The following IGDCC4 variants were observed in gnomAD, a reference collection of about 807,000 sequenced individuals.
IGDCC4 encodes likely ortholog of mouse neighbor of Punc E11.
A neutral mutation model predicts 116.6 loss-of-function variants in IGDCC4; 72 were observed. The ratio of observed to expected loss-of-function variants is 0.62; its 90% CI spans 0.51 to 0.75. The LOEUF is 0.75. IGDCC4 is among the 30% of genes least tolerant of loss of function. IGDCC4 has a pLI of 0.00. For synonymous variants in IGDCC4, 709 were observed against 719.9 expected, an observed-to-expected ratio of 0.98 and a Z score of 0.24; for missense variants, 1,501 against 1,662.4, an observed-to-expected ratio of 0.90 and a Z score of 1.69.
intron 4 of IGDCC4, among the ~76,000 whole-genome samples, chr15:65,401,202 C>G (rs748387602): frequency 1.2e-4 from 18 of 152,238 alleles, no homozygotes; most frequent in Non-Finnish European, 1.9e-4. Context: ...ACACCTACCT[C>G]CATTCTTCCC....
At position 65,388,559 on chromosome 15, in the gene IGDCC4, C is replaced by T. The variant is rs1443635844; in HGVS notation, c.2735G>A (p.Gly912Asp). 4 of 1,614,000 alleles carry T rather than the reference C, an allele frequency of 2.5e-6. No homozygotes were observed. In the Admixed American group the frequency reaches 5.0e-5, roughly 20 times the overall value. Reference sequence around the variant, plus strand: ...GAAGTACCGAGTGTCGCTCTCCAGGCCATGGACCTCAGCACTGAAGATGTT... The same window carrying T: ...GAAGTACCGAGTGTCGCTCTCCAGGTCATGGACCTCAGCACTGAAGATGTT... ...QGNIFSAEVH[G>D]LESDTRYFFK... The change falls in exon 16 of 20, where the codon GGC becomes GAC. Residue 912 changes from glycine (G) to aspartate (D), a missense_variant. By Grantham distance (94) the Gly-to-Asp change is moderately conservative. Transcript: ENST00000352385.
chr15:65,391,493 C>A (rs952239667), intron 12 of IGDCC4, among the ~76,000 whole-genome samples: 1 of 152,186 alleles, frequency 6.6e-6, no homozygotes, highest in African/African-American at 2.4e-5. Flanking sequence ...CACAGGGATA[C>A]TCACTCTTCT....
In IGDCC4 at chr15:65,416,136, C is replaced by CTTTT. The variant is rs60072640; in HGVS notation, c.71-4770_71-4767dup. Among the ~76,000 whole-genome samples the CTTTT allele has an allele frequency of 5.6e-3, 431 of 77,602 alleles. 12 individuals carry two copies. Among genetic ancestry groups the CTTTT allele is most frequent in the Middle Eastern group, 0.019 (1 of 52 alleles). 50.9% of individuals were successfully genotyped at this position (77,602 alleles called of 152,430 possible). Reference sequence around the variant, plus strand: ...TCGCTGACTGCCTAAAATGTTTTGACTTTTTTTTTTTTTTTTTTTTTTTTT... The same window carrying CTTTT: ...TCGCTGACTGCCTAAAATGTTTTGACTTTTTTTTTTTTTTTTTTTTTTTTTTTTT... On this transcript the variant is annotated intron_variant, in intron 1 of 19. Transcript: ENST00000352385.
At chr15:65,401,097 G>T (rs2062981322) in intron 4 of IGDCC4, 151 bp from the exon 5 acceptor site, 1 of 982,216 alleles carries the variant, frequency 1.0e-6, no homozygotes, top group South Asian at 1.5e-5. Flanking sequence ...ATAAAATTCA[G>T]CAGGGCTGGG....
Position 65,395,084 on chromosome 15 carries a change from G to A in IGDCC4, c.1576+10C>T. 2 of 1,593,182 alleles carry A rather than the reference G, an allele frequency of 1.3e-6. No individual in the cohort carries two copies. Among genetic ancestry groups the A allele is most frequent in the Admixed American group, 3.4e-5 (2 of 59,338 alleles). Reference sequence around the variant, plus strand: ...CCCCAAGCTGCCCACTGCGAGTTCAGAGGCCCTACCATCATCCAGTGTGTG... The same window carrying A: ...CCCCAAGCTGCCCACTGCGAGTTCAAAGGCCCTACCATCATCCAGTGTGTG... On this transcript the variant is annotated intron_variant, in intron 8 of 19. Coordinates refer to ENST00000352385, the MANE Select transcript of IGDCC4 (RefSeq NM_020962.3).
At chr15:65,391,614 C>T (rs766779918) in intron 12 of IGDCC4, among the ~76,000 whole-genome samples, 3 of 152,186 alleles carry the variant, frequency 2.0e-5, no homozygotes, top group Non-Finnish European at 2.9e-5. Flanking sequence ...TAGGGTTTCC[C>T]TCTGTTCAAA....
chr15:65,386,500 C>G lies in IGDCC4; in HGVS notation c.2951+51G>C, dbSNP rs1171727125. On this transcript the variant is annotated intron_variant, in intron 17 of 19. Transcript: ENST00000352385. ...CTTTCCCTGATGGCCCATTCTGCAG[C>G]CCTTCCTGGAAGTCTCCCTTCCCTG... is the stretch of plus-strand genomic sequence containing the variant. 2.0e-6 allele frequency: 3 copies of G among 1,476,418 alleles called. No homozygotes were observed. In the South Asian group the frequency reaches 3.6e-5, roughly 18 times the overall value. The allele number at this position is 1,476,418 out of a possible 1,614,324, so 91.5% of individuals were successfully genotyped here.
rs777801272 is a variant in IGDCC4, at chr15:65,400,998, C to T, written c.701-52G>A. On this transcript the variant is annotated intron_variant, in intron 4 of 19. Coordinates refer to ENST00000352385, the MANE Select transcript of IGDCC4 (RefSeq NM_020962.3). Reference sequence around the variant, plus strand: ...GCCTTACCATTAGGCATTTGCCATGCGATACCTCACCTGAGTCTCACAGTA... The same window carrying T: ...GCCTTACCATTAGGCATTTGCCATGTGATACCTCACCTGAGTCTCACAGTA... The T allele has an allele frequency of 9.0e-5, 145 of 1,610,480 alleles. 1 individual carries two copies. The Middle Eastern group carries it at 1.3e-3, about 15-fold the overall frequency.
chr15:65,393,286 G>A lies in IGDCC4; in HGVS notation c.1885+75C>T. On this transcript the variant is annotated intron_variant, in intron 10 of 19. Coordinates refer to ENST00000352385, the MANE Select transcript of IGDCC4 (RefSeq NM_020962.3). The surrounding 1 kb of genome is among the most constrained non-coding windows in gnomAD (Gnocchi z 4.6). ...ATGGAGGGCGGGGCCAGGGGGTGGG[G>A]CGCTGGGTCCCAAGGACACACGCAC... 1.4e-6 allele frequency: 2 copies of A among 1,448,986 alleles called. No homozygotes were observed. Among genetic ancestry groups the A allele is most frequent in the East Asian group, 5.1e-5 (2 of 39,188 alleles). The allele number at this position is 1,448,986 out of a possible 1,614,324, so 89.8% of individuals were successfully genotyped here.
Position 65,384,287 on chromosome 15 carries a change from G to A in IGDCC4, c.3475C>T (p.Leu1159=). The A allele has an allele frequency of 1.9e-6, 3 of 1,607,040 alleles. No homozygotes were observed. The highest frequency in any genetic ancestry group is 1.1e-5 in the South Asian group (1 of 90,270). The part of the protein sequence containing the change: ...HLQDLEPEDP[L]PPEAPDLISG... ...ATGAGATCAGGAGCCTCTGGAGGCA[G>A]GGGGTCCTCAGGCTCCAGGTCTTGG... The change falls in exon 20 of 20, where the codon CTG becomes TTG. Residue 1159 remains leucine (L), a synonymous_variant. Coordinates refer to ENST00000352385, the MANE Select transcript of IGDCC4 (RefSeq NM_020962.3). This position sits in a 1 kb window ranked among gnomAD's most constrained non-coding sequence, Gnocchi z 4.9.
At chr15:65,391,815 A>C (rs1595778826) in intron 12 of IGDCC4, 65 bp downstream of exon 12, 1 of 1,441,714 alleles carries the variant, frequency 6.9e-7, no homozygotes. Context: ...AAAGGAAAAG[A>C]AGAGGAAGCG....
rs986743593 is a variant in IGDCC4, at chr15:65,384,305, G to C, written c.3457C>G (p.Leu1153Val). Residue 1153 changes from leucine (L) to valine (V), a missense_variant, in exon 20 of 20, where the codon CTG becomes GTG. Physicochemically the swap from Leu to Val is conservative, Grantham distance 32. Around this residue, in one of 3 missense-constraint regions of IGDCC4, gnomAD observed 368 missense variants for 355.6 expected, o/e 1.03. Transcript: ENST00000352385. This position sits in a 1 kb window ranked among gnomAD's most constrained non-coding sequence, Gnocchi z 4.9. The stretch of plus-strand genomic sequence containing the variant: ...GGAGGCAGGGGGTCCTCAGGCTCCA[G>C]GTCTTGGAGATGGAGGTCAGGGTTC... ...NGNPDLHLQD[L>V]EPEDPLPPEA... is the part of the protein sequence containing the mutation. 1.6e-5 allele frequency: 25 copies of C among 1,607,402 alleles called. No individual in the cohort carries two copies. The highest frequency in any genetic ancestry group is 3.4e-5 in the Admixed American group (2 of 58,840).
chr15:65,414,656 G>T (rs905199571), intron 1 of IGDCC4, among the ~76,000 whole-genome samples: 1 of 152,180 alleles, frequency 6.6e-6, no homozygotes, highest in African/African-American at 2.4e-5. Flanking sequence ...TTGTTTGTTT[G>T]TTCTTGCGAC....
chr15:65,401,682 T>C (rs2062987890), intron 4 of IGDCC4, among the ~76,000 whole-genome samples: 1 of 152,000 alleles, frequency 6.6e-6, no homozygotes, highest in Admixed American at 6.6e-5. Context: ...TGAAGTGAGA[T>C]CTGTTGAGCA....
rs1056221673 is a variant in IGDCC4 at position 65,381,892 on chromosome 15, C to A, written c.*2117G>T. The A allele has an allele frequency of 4.6e-5, 7 of 152,532 alleles. No individual in the cohort carries two copies. Among genetic ancestry groups the A allele is most frequent in the Admixed American group, 3.9e-4 (6 of 15,276 alleles). 9.4% of individuals were successfully genotyped at this position (152,532 alleles called of 1,614,324 possible). On this transcript the variant is annotated 3_prime_UTR_variant, in exon 20 of 20. Coordinates refer to ENST00000352385, the MANE Select transcript of IGDCC4 (RefSeq NM_020962.3). Reference sequence around the variant, plus strand: ...TCAACTGTGAGTTATAGGCAGATACCAGATTTATTACTTATTTGCTTTTGA... The same window carrying A: ...TCAACTGTGAGTTATAGGCAGATACAAGATTTATTACTTATTTGCTTTTGA...
rs752121434 is a variant in IGDCC4 at position 65,389,315 on chromosome 15, G to A, written c.2505C>T (p.Gly835=). The A allele has an allele frequency of 1.2e-5, 19 of 1,614,110 alleles. No homozygotes were observed. In the East Asian group the frequency reaches 4.2e-4, roughly 36 times the overall value. Reference sequence around the variant, plus strand: ...GCAGGGTGGAGCGCTCCACCACAGAGCCGAAAGGCCCATCCATGTCCACGC... The same window carrying A: ...GCAGGGTGGAGCGCTCCACCACAGAACCGAAAGGCCCATCCATGTCCACGC... ...SHGVDMDGPF[G]SVVERSTLPD... The change falls in exon 14 of 20, where the codon GGC becomes GGT. Residue 835 remains glycine, a synonymous_variant. Transcript: ENST00000352385.
At chr15:65,396,778 C>A in intron 6 of IGDCC4, 56 bp downstream of exon 6, 1 of 1,537,888 alleles carries the variant, frequency 6.5e-7, no homozygotes, top group South Asian at 1.2e-5. Context: ...CCTCCCCCTG[C>A]TCTATTCACC....
chr15:65,410,035 G>A (rs1352990525), intron 3 of IGDCC4, 143 bp downstream of exon 3: 7 of 987,782 alleles, frequency 7.1e-6, no homozygotes, highest in East Asian at 2.6e-5. Context: ...GACTAGACAT[G>A]AGCCAGGAGT....
intron 3 of IGDCC4, among the ~76,000 whole-genome samples, chr15:65,406,619 T>A (rs1479954901): frequency 2.0e-5 from 3 of 152,204 alleles, no homozygotes; most frequent in African/African-American, 7.2e-5. Context: ...AGTTTATGAA[T>A]AGCATATTTG....
Sources: gnomAD v4.1 joint callset for allele counts (sites outside exome capture counted in the v4.1 genomes callset) on GRCh38, gnomAD v4.1.1 for gene constraint, gnomAD v4.1.1 regional missense constraint, Gnocchi (gnomAD v3.1) non-coding constraint, MANE v1.5 for transcripts, NCBI Gene and HGNC (gene_info 2026-07-23, HGNC 2026-07-21) for gene names.